PVT1: variants seen among roughly 807,000 people sequenced by gnomAD.
The protein encoded by PVT1 is Pvt1 oncogene.
intron 2 of PVT1, among the ~76,000 whole-genome samples, chr8:127,880,725 C>T (rs953858326): frequency 4.6e-5 from 7 of 151,892 alleles, no homozygotes; most frequent in African/African-American, 9.7e-5. Context: ...CTTAGCCTCC[C>T]GAGTAGCTGC....
intron 4 of PVT1, among the ~76,000 whole-genome samples, chr8:127,999,954 G>A (rs1038899909): frequency 6.6e-6 from 1 of 152,170 alleles, no homozygotes; most frequent in Non-Finnish European, 1.5e-5. Flanking sequence ...AAGAGACTCC[G>A]AAATGTGTCC....
intron 3 of PVT1, among the ~76,000 whole-genome samples, chr8:127,983,176 C>T (rs999386116): frequency 6.6e-6 from 1 of 152,172 alleles, no homozygotes; most frequent in African/African-American, 2.4e-5. Context: ...CACCTATGTG[C>T]CAGGCTGCTG....
chr8:127,809,029 C>CAAAAAAAAAAAAAAAAAA (rs1158760672), intron 2 of PVT1, among the ~76,000 whole-genome samples: 71 of 28,204 alleles, frequency 2.5e-3, no homozygotes, highest in Non-Finnish European at 3.3e-3. Flanking sequence ...GATTCCATCT[C>CAAAAAAAAAAAAAAAAAA]AAAAAAAAAA....
At chr8:128,075,228 A>G (rs2130141913) in intron 5 of PVT1, among the ~76,000 whole-genome samples, 1 of 151,708 alleles carries the variant, frequency 6.6e-6, no homozygotes, top group African/African-American at 2.4e-5. Flanking sequence ...CCCTTTCTTT[A>G]TTTTCCTACT....
intron 2 of PVT1, among the ~76,000 whole-genome samples, chr8:127,798,130 C>T (rs948774829): frequency 9.2e-5 from 14 of 151,890 alleles, no homozygotes; most frequent in African/African-American, 2.9e-4. Flanking sequence ...TGGTGAAACC[C>T]GGTCTCTACT....
rs1460507378 is a variant in PVT1 at position 127,982,672 on chromosome 8, TAATTAATAA to T, written n.783-6486_783-6478del. On this transcript the variant is annotated intron_variant and non_coding_transcript_variant, in intron 3 of 10. Coordinates refer to ENST00000651587, the Ensembl canonical transcript of PVT1. ...AAAAATAATTAATTAATTAATTAAT[TAATTAATAA>T]AATAAATGAATCAATTAAAAGAATT... is the stretch of plus-strand genomic sequence containing the variant. 1.3e-3 allele frequency among the ~76,000 whole-genome samples: 191 copies of T among 145,948 alleles called. 1 individual carries two copies. The highest frequency in any genetic ancestry group is 5.1e-3 in the African/African-American group (185 of 35,926).
At chr8:127,988,184 CCTGTG>C (rs1357814566) in intron 3 of PVT1, among the ~76,000 whole-genome samples, 1 of 152,206 alleles carries the variant, frequency 6.6e-6, no homozygotes, top group Non-Finnish European at 1.5e-5. Context: ...GCCGTTCTTG[CCTGTG>C]GGGCAAGGAT....
chr8:128,013,943 A>G (rs184103110), intron 4 of PVT1, among the ~76,000 whole-genome samples: 1 of 152,352 alleles, frequency 6.6e-6, no homozygotes, highest in East Asian at 1.9e-4. Flanking sequence ...GGAGTCACAA[A>G]AGACCTTTAC....
chr8:128,072,575 G>A (rs1223072493), intron 5 of PVT1, among the ~76,000 whole-genome samples: 1 of 152,132 alleles, frequency 6.6e-6, no homozygotes, highest in Non-Finnish European at 1.5e-5. Context: ...AAGTCTAAGA[G>A]TCATTTCCCC....
chr8:128,074,068 A>C (rs1814046775), intron 5 of PVT1, among the ~76,000 whole-genome samples: 1 of 152,152 alleles, frequency 6.6e-6, no homozygotes, highest in African/African-American at 2.4e-5. Context: ...GCTTCTTTTC[A>C]GAAGACAGTG....
chr8:127,804,927 CTTT>C (rs754070998), intron 2 of PVT1, among the ~76,000 whole-genome samples: 1 of 114,202 alleles, frequency 8.8e-6, no homozygotes. Context: ...TTGTCCATGT[CTTT>C]TTTTTTTTTT....
intron 6 of PVT1, chr8:128,099,880 TA>T (rs1814480439): frequency 6.6e-6 from 1 of 152,170 alleles, no homozygotes; most frequent in African/African-American, 2.4e-5. Context: ...TTTTTTTTTT[TA>T]TCATGGTCAC....
chr8:127,863,767 C>A (rs1228584628), intron 2 of PVT1, among the ~76,000 whole-genome samples: 1 of 152,280 alleles, frequency 6.6e-6, no homozygotes, highest in South Asian at 2.1e-4. Flanking sequence ...GAATGACTTG[C>A]TTGAGGCCCC....
At chr8:127,864,783 C>T (rs1452792261) in intron 2 of PVT1, among the ~76,000 whole-genome samples, 3 of 152,124 alleles carry the variant, frequency 2.0e-5, no homozygotes, top group Admixed American at 6.6e-5. Context: ...CTCCTGACCT[C>T]GTGATCCGCC....
chr8:128,053,364 C>CAT (rs142619024), intron 4 of PVT1, among the ~76,000 whole-genome samples: 7,608 of 149,964 alleles, frequency 0.051, 253 homozygotes, highest in African/African-American at 0.091. Flanking sequence ...GCTATATATA[C>CAT]ATATATATAT....
At chr8:128,010,278 T>A (rs985740181) in intron 4 of PVT1, 1 of 152,212 alleles carries the variant, frequency 6.6e-6, no homozygotes, top group Admixed American at 6.5e-5. Flanking sequence ...TTTTCTCTTA[T>A]AAACTGCAAA....
At chr8:127,911,797 T>C (rs1206504905) in intron 3 of PVT1, among the ~76,000 whole-genome samples, 1 of 152,250 alleles carries the variant, frequency 6.6e-6, no homozygotes, top group Non-Finnish European at 1.5e-5. Flanking sequence ...TCTTTTGTTG[T>C]GACTAGGGGT....
intron 3 of PVT1, among the ~76,000 whole-genome samples, chr8:127,926,495 T>C (rs1816131516): frequency 6.6e-6 from 1 of 152,224 alleles, no homozygotes. Context: ...GCACCAGCCC[T>C]GGCTGACTCA....
chr8:127,890,975 A>T (rs149055575), exon 3 of PVT1: 1 of 152,578 alleles, frequency 6.6e-6, no homozygotes, highest in Non-Finnish European at 1.5e-5. Flanking sequence ...TGCACGTTCC[A>T]TCCGGCGCTC....
Sources: allele counts gnomAD v4.1 joint callset (sites outside exome capture counted in the v4.1 genomes callset), GRCh38; gene constraint gnomAD v4.1.1; transcripts MANE v1.5; gene names NCBI Gene and HGNC (gene_info 2026-07-23, HGNC 2026-07-21).